PPP1R9A: variants seen among roughly 807,000 people sequenced by gnomAD.
The protein encoded by PPP1R9A is neurabin-1.
In PPP1R9A, 59 loss-of-function variants were observed where a neutral mutation model predicts 141.9. The ratio of observed to expected loss-of-function variants is 0.42; its 90% CI spans 0.34 to 0.52. The LOEUF (loss-of-function observed/expected upper bound fraction) is 0.52. Ranked by LOEUF, PPP1R9A falls within the 20% of genes least tolerant of loss-of-function variation. PPP1R9A has a pLI of 0.10. For missense variants in PPP1R9A, 1,444 were observed against 1,611.9 expected (o/e 0.90, Z 1.78); for synonymous variants, 500 against 569.7 (o/e 0.88, Z 1.74).
At chr7:95,269,589 ATT>A (rs1300378103) in intron 14 of PPP1R9A, 82 bp downstream of exon 14, 21 of 1,157,408 alleles carry the variant, frequency 1.8e-5, no homozygotes, top group Admixed American at 5.6e-5. Context: ...ATCATAAGTC[ATT>A]TGTTTTCTCA....
In PPP1R9A at chr7:94,910,666, A is replaced by G; in HGVS notation, c.553A>G (p.Thr185Ala). The G allele has an allele frequency of 6.2e-7, 1 of 1,614,176 alleles. No individual in the cohort carries two copies. The highest frequency in any genetic ancestry group is 8.5e-7 in the Non-Finnish European group (1 of 1,180,028). Residue 185 changes from threonine (T) to alanine (A), a missense_variant, in exon 2 of 20, where the codon ACT becomes GCT. Thr to Ala is a moderately conservative substitution (Grantham distance 58). This residue lies in a region of PPP1R9A where 490 missense variants were observed against 521.1 expected (regional missense o/e 0.94). Coordinates refer to ENST00000433360, the MANE Select transcript of PPP1R9A (RefSeq NM_001166160.2). This position sits in a 1 kb window ranked among gnomAD's most constrained non-coding sequence, Gnocchi z 4.5. ...AGGTTCCAAGTCCAACAGAGGCAGTACTGATTCCTTGGACAGCCTTAGCTC... is the reference window on the plus strand; with the variant it reads ...AGGTTCCAAGTCCAACAGAGGCAGTGCTGATTCCTTGGACAGCCTTAGCTC... ...WGGSKSNRGS[T>A]DSLDSLSSRT...
At chr7:95,261,292 A>G (rs1414587269) in intron 12 of PPP1R9A, among the ~76,000 whole-genome samples, 3 of 152,334 alleles carry the variant, frequency 2.0e-5, no homozygotes, top group East Asian at 3.9e-4. Flanking sequence ...TGCTCTGTGT[A>G]TGGTTCTGAA....
intron 12 of PPP1R9A, among the ~76,000 whole-genome samples, chr7:95,256,862 A>T (rs956360021): frequency 6.6e-6 from 1 of 152,156 alleles, no homozygotes; most frequent in Non-Finnish European, 1.5e-5. Context: ...AGCAAAAACT[A>T]TGTATAAGGT....
At chr7:95,004,682 G>A (rs764869076) in intron 2 of PPP1R9A, among the ~76,000 whole-genome samples, 19 of 152,182 alleles carry the variant, frequency 1.2e-4, no homozygotes, top group Admixed American at 2.6e-4. Flanking sequence ...CTCAATAATA[G>A]AATGGATATG....
chr7:95,000,852 A>G (rs1802817107), intron 2 of PPP1R9A, among the ~76,000 whole-genome samples: 1 of 152,196 alleles, frequency 6.6e-6, no homozygotes, highest in African/African-American at 2.4e-5. Flanking sequence ...TACATAATCT[A>G]TTTGCTTTAG....
intron 2 of PPP1R9A, among the ~76,000 whole-genome samples, chr7:94,936,819 C>G (rs1442361467): frequency 6.6e-6 from 1 of 151,970 alleles, no homozygotes; most frequent in Non-Finnish European, 1.5e-5. Flanking sequence ...AATGACCAGT[C>G]CCTGGTCATT....
intron 2 of PPP1R9A, among the ~76,000 whole-genome samples, chr7:95,054,752 C>G (rs1399192293): frequency 2.6e-5 from 4 of 152,124 alleles, no homozygotes; most frequent in Non-Finnish European, 5.9e-5. Context: ...CTCTTCTTCC[C>G]AGCACATTGA....
At chr7:95,138,331 A>C (rs1001839567) in intron 4 of PPP1R9A, among the ~76,000 whole-genome samples, 4 of 152,218 alleles carry the variant, frequency 2.6e-5, no homozygotes, top group Non-Finnish European at 5.9e-5. Flanking sequence ...GGAGAAATAA[A>C]AAATTGGACC....
At chr7:94,923,431 G>A (rs1793089957) in intron 2 of PPP1R9A, among the ~76,000 whole-genome samples, 1 of 152,140 alleles carries the variant, frequency 6.6e-6, no homozygotes, top group Non-Finnish European at 1.5e-5. Context: ...CTTGCTCTCT[G>A]TGAAGGTGAG....
chr7:95,037,374 T>C (rs1808575007), intron 2 of PPP1R9A, among the ~76,000 whole-genome samples: 1 of 152,198 alleles, frequency 6.6e-6, no homozygotes, highest in Non-Finnish European at 1.5e-5. Flanking sequence ...CATTCATAAA[T>C]ATAAAGCATT....
At chr7:94,990,238 C>G (rs1256153634) in intron 2 of PPP1R9A, among the ~76,000 whole-genome samples, 1 of 152,066 alleles carries the variant, frequency 6.6e-6, no homozygotes, top group East Asian at 1.9e-4. Context: ...TGCATCACAG[C>G]TCTTGTGATG....
chr7:95,013,750 A>G (rs1446143748), intron 2 of PPP1R9A, among the ~76,000 whole-genome samples: 2 of 152,146 alleles, frequency 1.3e-5, no homozygotes, highest in East Asian at 1.9e-4. Flanking sequence ...TTCAGTTCAC[A>G]TTTAAAAGGT....
chr7:95,243,557 G>A (rs1797741498), intron 8 of PPP1R9A, among the ~76,000 whole-genome samples: 2 of 152,124 alleles, frequency 1.3e-5, no homozygotes, highest in Admixed American at 1.3e-4. Flanking sequence ...CATCTGAGAG[G>A]TTATGATGAT....
chr7:95,189,443 T>TC, intron 5 of PPP1R9A, among the ~76,000 whole-genome samples: 1 of 144,200 alleles, frequency 6.9e-6, no homozygotes, highest in East Asian at 2.0e-4. Flanking sequence ...CTTTTTTTTT[T>TC]TTTTTTTTTT....
rs1256423725 is a variant in PPP1R9A at position 94,910,943 on chromosome 7, C to T, written c.830C>T (p.Thr277Ile). 8 of 1,614,130 alleles carry T rather than the reference C, an allele frequency of 5.0e-6. No individual in the cohort carries two copies. The highest frequency in any genetic ancestry group is 6.8e-6 in the Non-Finnish European group (8 of 1,180,022). Reference protein sequence around the residue: ...DTEDAHKSNATPVPEVASKST... With the variant: ...DTEDAHKSNAIPVPEVASKST... ...GAGGATGCTCACAAGAGTAATGCAA[C>T]TCCAGTACCAGAAGTGGCTTCTAAA... The change falls in exon 2 of 20, where the codon ACT becomes ATT. Residue 277 changes from threonine to isoleucine, a missense_variant. Transcript: ENST00000433360. The surrounding 1 kb of genome is among the most constrained non-coding windows in gnomAD (Gnocchi z 4.5).
chr7:95,251,987 G>A lies in PPP1R9A; in HGVS notation c.2522G>A (p.Arg841Lys). ...AGAGATTTGGAAGCTGAGGTATTCA[G>A]GCTACTGAAGCAAAATGGGACTCAA... Reference protein sequence around the residue: ...RIRDLEAEVFRLLKQNGTQVN... With the variant: ...RIRDLEAEVFKLLKQNGTQVN... Residue 841 changes from arginine to lysine, a missense_variant, in exon 12 of 20, where the codon AGG becomes AAG. Arg to Lys is a conservative substitution (Grantham distance 26). This residue lies in a region of PPP1R9A where 488 missense variants were observed against 542.0 expected (regional missense o/e 0.90). Transcript: ENST00000433360. 1 of 1,609,550 alleles carries A rather than the reference G, an allele frequency of 6.2e-7. No individual in the cohort carries two copies. The highest frequency in any genetic ancestry group is 8.5e-7 in the Non-Finnish European group (1 of 1,178,876).
intron 4 of PPP1R9A, among the ~76,000 whole-genome samples, chr7:95,152,693 C>G (rs528952888): frequency 6.6e-6 from 1 of 152,216 alleles, no homozygotes; most frequent in African/African-American, 2.4e-5. Flanking sequence ...AAAACTGTCC[C>G]TGCTAAAATA....
At chr7:95,241,685 A>T (rs1341081741) in intron 8 of PPP1R9A, among the ~76,000 whole-genome samples, 1 of 152,106 alleles carries the variant, frequency 6.6e-6, no homozygotes, top group South Asian at 2.1e-4. Context: ...AAAATTCGAC[A>T]TTTCTCTTGA....
rs769953783 is a variant in PPP1R9A, at chr7:95,268,701, G to C, written c.2817G>C (p.Glu939Asp). 5.6e-6 allele frequency: 9 copies of C among 1,612,636 alleles called. No homozygotes were observed. The African/African-American group carries it at 1.2e-4, about 22-fold the overall frequency. ...VSSTDGEDSLERKPSNSFYNH... is the reference protein window; with the variant it reads ...VSSTDGEDSLDRKPSNSFYNH... ...CCACAGATGGGGAGGACAGTCTAGAGAGAAAGGTGAGCACCCTTGACCGTT... is the reference window on the plus strand; with the variant it reads ...CCACAGATGGGGAGGACAGTCTAGACAGAAAGGTGAGCACCCTTGACCGTT... Residue 939 changes from glutamate to aspartate, a missense_variant, in exon 13 of 20, where the codon GAG becomes GAC. By Grantham distance (45) the Glu-to-Asp change is conservative (BLOSUM62 2). This residue lies in a region of PPP1R9A where 459 missense variants were observed against 513.8 expected (regional missense o/e 0.89). Coordinates refer to ENST00000433360, the MANE Select transcript of PPP1R9A (RefSeq NM_001166160.2).
Sources: allele counts gnomAD v4.1 joint callset (sites outside exome capture counted in the v4.1 genomes callset), GRCh38; gene constraint gnomAD v4.1.1; regional missense constraint gnomAD v4.1.1; non-coding constraint Gnocchi (gnomAD v3.1); transcripts MANE v1.5; gene names NCBI Gene and HGNC (gene_info 2026-07-23, HGNC 2026-07-21).